Variants in FGD4 observed in about 807,000 individuals in gnomAD.
FGD4 encodes the protein FYVE, RhoGEF and PH domain containing 4.
Under a neutral mutation model 102.0 loss-of-function variants are expected in FGD4, and 42 were observed. The observed-to-expected ratio is 0.41, with a 90% CI of 0.32 to 0.53. FGD4 has a LOEUF of 0.53. Among genes scored for constraint, FGD4 ranks in the 20% least tolerant of loss-of-function variants. The pLI is 0.21. For missense variants in FGD4, 902 were observed against 1,078.2 expected, an observed-to-expected ratio of 0.84 and a Z score of 2.29; for synonymous variants, 380 against 375.7, an observed-to-expected ratio of 1.01 and a Z score of -0.13.
chr12:32,436,441 A>G (rs1314435855), intron 1 of FGD4, among the ~76,000 whole-genome samples: 1 of 152,208 alleles, frequency 6.6e-6, no homozygotes, highest in Non-Finnish European at 1.5e-5. Flanking sequence ...AAGGCAAAAC[A>G]TGTGGGCATT....
At chr12:32,611,005 A>T (rs1949101493) in intron 9 of FGD4, 132 bp from the exon 10 acceptor site, 1 of 1,278,268 alleles carries the variant, frequency 7.8e-7, no homozygotes, top group Admixed American at 2.0e-5. Context: ...CTAATAAGTG[A>T]TGGAATTTAT....
chr12:32,416,562 T>C (rs1045751), intron 1 of FGD4, among the ~76,000 whole-genome samples: 82,502 of 151,924 alleles, frequency 0.54, 23,383 homozygotes, highest in African/African-American at 0.71. Flanking sequence ...TAGTATTCGG[T>C]TTGCAAATAC....
In FGD4 at chr12:32,539,410, A is replaced by G. The variant is rs1462613091; in HGVS notation, c.167-24727A>G. ...CATGGAGAAACCGCATCTCTACTAA[A>G]AATATCAAATTAGCTGGGCGTAGTG... On this transcript the variant is annotated intron_variant, in intron 1 of 16. Transcript: ENST00000534526. Among the ~76,000 whole-genome samples, 4 of 152,128 alleles carry G rather than the reference A, an allele frequency of 2.6e-5. No homozygotes were observed. The East Asian group carries it at 7.7e-4, about 29-fold the overall frequency.
At chr12:32,531,550 A>G (rs1407638078) in intron 1 of FGD4, among the ~76,000 whole-genome samples, 1 of 152,120 alleles carries the variant, frequency 6.6e-6, no homozygotes, top group Non-Finnish European at 1.5e-5. Context: ...ATTTTATCAC[A>G]TATGTGTAGC....
intron 1 of FGD4, among the ~76,000 whole-genome samples, chr12:32,405,154 C>T (rs983007088): frequency 9.9e-5 from 15 of 151,612 alleles, no homozygotes; most frequent in Non-Finnish European, 1.9e-4. Context: ...AGGATGGTCT[C>T]GATCTCCTGA....
chr12:32,609,009 C>T (rs1411665745), intron 8 of FGD4, among the ~76,000 whole-genome samples: 2 of 152,084 alleles, frequency 1.3e-5, no homozygotes, highest in South Asian at 2.1e-4. Context: ...CTCCACCTCC[C>T]GAGTTCAAGC....
rs956640286 is a variant in FGD4, at chr12:32,494,586, A to T, written c.167-69551A>T. 1.1e-4 allele frequency among the ~76,000 whole-genome samples: 17 copies of T among 152,248 alleles called. 1 individual carries two copies. The highest frequency in any genetic ancestry group is 4.1e-4 in the African/African-American group (17 of 41,462). On this transcript the variant is annotated intron_variant, in intron 1 of 16. Transcript: ENST00000534526. ...TACCTGTTTTTATGAACATCTGTTCAGTGAACATTTATTGATCTTACCTGA... is the reference window on the plus strand; with the variant it reads ...TACCTGTTTTTATGAACATCTGTTCTGTGAACATTTATTGATCTTACCTGA...
At chr12:32,469,910 C>T (rs1411201672) in intron 1 of FGD4, among the ~76,000 whole-genome samples, 5 of 152,066 alleles carry the variant, frequency 3.3e-5, no homozygotes, top group East Asian at 1.9e-4. Context: ...CTTCCCGCCT[C>T]GGCCTCCCAA....
At chr12:32,594,262 C>G (rs1312647891) in intron 4 of FGD4, among the ~76,000 whole-genome samples, 2 of 152,168 alleles carry the variant, frequency 1.3e-5, no homozygotes, top group African/African-American at 4.8e-5. Context: ...CACCTCCTGT[C>G]AGATCAGCAG....
intron 1 of FGD4, among the ~76,000 whole-genome samples, chr12:32,507,455 T>G (rs998044578): frequency 6.6e-6 from 1 of 152,142 alleles, no homozygotes; most frequent in African/African-American, 2.4e-5. Flanking sequence ...GCAGTGAAAG[T>G]GTGTTGCTGT....
intron 1 of FGD4, among the ~76,000 whole-genome samples, chr12:32,531,191 C>T (rs1165028432): frequency 6.6e-6 from 1 of 151,760 alleles, no homozygotes; most frequent in South Asian, 2.1e-4. Flanking sequence ...CCTCATGATC[C>T]GCCCGCCTCG....
In FGD4 at chr12:32,640,846, A is replaced by G; in HGVS notation, c.*313A>G. 2 of 570,070 alleles carry G rather than the reference A, an allele frequency of 3.5e-6. No homozygotes were observed. The highest frequency in any genetic ancestry group is 6.2e-6 in the Non-Finnish European group (2 of 321,514). 35.3% of individuals were successfully genotyped at this position (570,070 alleles called of 1,614,324 possible). A position where few individuals can be genotyped will look rare whatever the true frequency, so the allele number is the denominator to read the frequency against. On this transcript the variant is annotated 3_prime_UTR_variant, in exon 17 of 17. Coordinates refer to ENST00000534526, the MANE Select transcript of FGD4 (RefSeq NM_001370298.3). ...CCGTCAGGTTAGAATGAGCACTTCC[A>G]TTTAAGAAATCCTTTCATGTCTTCT...
intron 10 of FGD4, among the ~76,000 whole-genome samples, chr12:32,611,727 T>C (rs1384468875): frequency 6.6e-6 from 1 of 152,208 alleles, no homozygotes; most frequent in Non-Finnish European, 1.5e-5. Flanking sequence ...AGGGATTCAA[T>C]TTAGGGAAAT....
At chr12:32,493,375 C>T (rs930519503) in intron 1 of FGD4, among the ~76,000 whole-genome samples, 1 of 152,192 alleles carries the variant, frequency 6.6e-6, no homozygotes, top group Non-Finnish European at 1.5e-5. Flanking sequence ...ACGCCACTTT[C>T]CTTTGAGCCC....
intron 1 of FGD4, among the ~76,000 whole-genome samples, chr12:32,448,118 G>A (rs184315290): frequency 6.6e-6 from 1 of 152,156 alleles, no homozygotes; most frequent in East Asian, 1.9e-4. Flanking sequence ...GTTAACCATG[G>A]CCTCTTGGAT....
intron 1 of FGD4, among the ~76,000 whole-genome samples, chr12:32,483,071 C>T (rs759533812): frequency 2.6e-5 from 4 of 152,080 alleles, no homozygotes; most frequent in Non-Finnish European, 5.9e-5. Context: ...ATATAAATAG[C>T]TTAGTGTATT....
intron 1 of FGD4, among the ~76,000 whole-genome samples, chr12:32,444,505 A>G (rs1463232218): frequency 1.3e-5 from 2 of 152,050 alleles, no homozygotes; most frequent in Non-Finnish European, 2.9e-5. Flanking sequence ...CCCGGGTTCA[A>G]GTGATTCTCC....
At chr12:32,581,057 A>G (rs1000182569) in intron 3 of FGD4, among the ~76,000 whole-genome samples, 1 of 152,186 alleles carries the variant, frequency 6.6e-6, no homozygotes, top group Non-Finnish European at 1.5e-5. Context: ...GTTATGATAG[A>G]TGAATCTAGG....
At chr12:32,466,317 T>G (rs1943251389) in intron 1 of FGD4, among the ~76,000 whole-genome samples, 1 of 152,064 alleles carries the variant, frequency 6.6e-6, no homozygotes, top group Non-Finnish European at 1.5e-5. Context: ...AGGAATTAAC[T>G]CATGAGATTA....
Sources: allele counts gnomAD v4.1 joint callset (sites outside exome capture counted in the v4.1 genomes callset), GRCh38; gene constraint gnomAD v4.1.1; transcripts MANE v1.5; gene names NCBI Gene and HGNC (gene_info 2026-07-23, HGNC 2026-07-21).